Variants in SNAPIN observed in about 807,000 individuals in gnomAD.
SNAPIN encodes SNAP associated protein.
SNAPIN carries 16 observed loss-of-function variants against 15.9 expected under a neutral mutation model. That is an observed-to-expected ratio of 1.01 (90% confidence interval 0.68 to 1.53). SNAPIN has a LOEUF of 1.53. Ranked by LOEUF, SNAPIN falls within the 40% of genes most tolerant of loss-of-function variation. SNAPIN has a pLI of 0.00. For missense variants in SNAPIN, 186 were observed against 180.1 expected (o/e 1.03, Z -0.19); for synonymous variants, 83 against 76.2 (o/e 1.09, Z -0.46).
At chr1:153,660,359 A>G (rs1170621895) in intron 3 of SNAPIN, among the ~76,000 whole-genome samples, 1 of 148,244 alleles carries the variant, frequency 6.7e-6, no homozygotes, top group Non-Finnish European at 1.5e-5. Flanking sequence ...AAATAAAAAG[A>G]CAGGATCGGC....
intron 1 of SNAPIN, 95 bp from the exon 2 acceptor site, chr1:153,659,043 G>A: frequency 6.4e-7 from 1 of 1,555,266 alleles, no homozygotes; most frequent in Non-Finnish European, 8.8e-7. Flanking sequence ...TTCAGCGGAG[G>A]CCGGCTTCTC....
chr1:153,659,651 C>G, intron 3 of SNAPIN, 85 bp downstream of exon 3: 1 of 981,154 alleles, frequency 1.0e-6, no homozygotes, highest in South Asian at 1.4e-5. Context: ...TTTTAAAATT[C>G]TTTGGGGAAA....
rs116672600 is a variant in SNAPIN at position 153,661,343 on chromosome 1, A to G, written c.*42A>G. ...CTCAGTAGCACAAGTACTGTTCCCC[A>G]GCTGCCTTGTTTCAACAGACATGCA... On this transcript the variant is annotated 3_prime_UTR_variant, in exon 4 of 4. Transcript: ENST00000368685. 2,323 of 1,480,608 alleles carry G rather than the reference A, an allele frequency of 1.6e-3. 34 individuals are homozygous for G. The African/African-American group carries it at 0.029, about 18-fold the overall frequency. 91.7% of individuals were successfully genotyped at this position (1,480,608 alleles called of 1,614,324 possible).
At chr1:153,659,595 C>T in intron 3 of SNAPIN, 29 bp downstream of exon 3, 1 of 1,512,916 alleles carries the variant, frequency 6.6e-7, no homozygotes, top group South Asian at 1.1e-5. Context: ...AACAGTGATT[C>T]TTTGCCCTTT....
At position 153,659,556 on chromosome 1, in the gene SNAPIN, A is replaced by G. The variant is rs1030039546; in HGVS notation, c.299A>G (p.Gln100Arg). The G allele has an allele frequency of 1.2e-6, 2 of 1,609,400 alleles. No individual in the cohort carries two copies. Among genetic ancestry groups the G allele is most frequent in the Non-Finnish European group, 8.5e-7 (1 of 1,175,850 alleles). Reference sequence around the variant, plus strand: ...GTTGTCTTGGTTAACAACATTCTACAGAATGCTCAGGTAAAAGAATATCTT... The same window carrying G: ...GTTGTCTTGGTTAACAACATTCTACGGAATGCTCAGGTAAAAGAATATCTT... ...RRVVLVNNIL[Q>R]NAQERLRRLN... is the part of the protein sequence containing the mutation. The change falls in exon 3 of 4, where the codon CAG becomes CGG. Residue 100 changes from glutamine (Q) to arginine (R), a missense_variant. Transcript: ENST00000368685.
intron 2 of SNAPIN, 43 bp from the exon 3 acceptor site, chr1:153,659,405 G>A (rs368141608): frequency 2.7e-6 from 4 of 1,508,610 alleles, no homozygotes; most frequent in Admixed American, 1.7e-5. Flanking sequence ...CAGAACAAGA[G>A]ATAAGCCGTT....
At chr1:153,658,932 G>C in intron 1 of SNAPIN, 46 bp downstream of exon 1, 1 of 1,603,420 alleles carries the variant, frequency 6.2e-7, no homozygotes, top group African/African-American at 1.3e-5. Flanking sequence ...CTCTGGCTTT[G>C]TAGGGGCGGG....
At chr1:153,659,409 A>C (rs530947235) in intron 2 of SNAPIN, 39 bp from the exon 3 acceptor site, 3 of 1,519,998 alleles carry the variant, frequency 2.0e-6, no homozygotes, top group Non-Finnish European at 2.7e-6. Context: ...ACAAGAGATA[A>C]GCCGTTAGAT....
rs550687208 is a variant in SNAPIN, at chr1:153,660,918, C to T, written c.310-282C>T. Among the ~76,000 whole-genome samples the T allele has an allele frequency of 2.6e-5, 4 of 152,086 alleles. No homozygotes were observed. In the East Asian group the frequency reaches 7.8e-4, roughly 29 times the overall value. On this transcript the variant is annotated intron_variant, in intron 3 of 3. Coordinates refer to ENST00000368685, the MANE Select transcript of SNAPIN (RefSeq NM_012437.6). ...TCCTGCCTCAGATTACAAGCACCCGCCACCATGCCCAGCTAATTTTTTTGT... is the reference window on the plus strand; with the variant it reads ...TCCTGCCTCAGATTACAAGCACCCGTCACCATGCCCAGCTAATTTTTTTGT...
upstream of SNAPIN, chr1:153,658,689 G>GGCTCC: frequency 6.8e-7 from 1 of 1,477,926 alleles, no homozygotes; most frequent in Non-Finnish European, 8.9e-7. Context: ...AGTGCGGCGC[G>GGCTCC]GCTCCGGTTC....
Position 153,661,193 on chromosome 1 carries a change from C to T in SNAPIN, c.310-7C>T. The stretch of plus-strand genomic sequence containing the variant: ...GGTTAAGATTCCAAACCTTCCTTGT[C>T]TTGTAGGAACGACTGAGACGGCTAA... On this transcript the variant is annotated splice_region_variant and splice_polypyrimidine_tract_variant and intron_variant, in intron 3 of 3. Transcript: ENST00000368685. 6.2e-7 allele frequency: 1 copy of T among 1,612,376 alleles called. No homozygotes were observed. The highest frequency in any genetic ancestry group is 8.5e-7 in the Non-Finnish European group (1 of 1,178,656).
intron 3 of SNAPIN, 80 bp from the exon 4 acceptor site, chr1:153,661,120 G>A (rs551423024): frequency 3.1e-5 from 35 of 1,130,270 alleles, no homozygotes; most frequent in African/African-American, 3.1e-4. Context: ...GATCACGCCC[G>A]GTATTTTTCA....
Position 153,661,318 on chromosome 1 carries a change from C to T in SNAPIN, c.*17C>T. 1 of 1,577,894 alleles carries T rather than the reference C, an allele frequency of 6.3e-7. No homozygotes were observed. Among genetic ancestry groups the T allele is most frequent in the Non-Finnish European group, 8.7e-7 (1 of 1,147,740 alleles). On this transcript the variant is annotated 3_prime_UTR_variant, in exon 4 of 4. Coordinates refer to ENST00000368685, the MANE Select transcript of SNAPIN (RefSeq NM_012437.6). Reference sequence around the variant, plus strand: ...GGCAAATAACAGATGAGCCTATGGACTCAGTAGCACAAGTACTGTTCCCCA... The same window carrying T: ...GGCAAATAACAGATGAGCCTATGGATTCAGTAGCACAAGTACTGTTCCCCA...
intron 3 of SNAPIN, among the ~76,000 whole-genome samples, chr1:153,660,653 A>G (rs866688398): frequency 2.4e-3 from 331 of 136,098 alleles, no homozygotes; most frequent in Non-Finnish European, 2.6e-3. Context: ...CGTCTCGGGA[A>G]AAAAAAAAAA....
chr1:153,659,706 T>C (rs935498594), intron 3 of SNAPIN, 140 bp downstream of exon 3: 2 of 659,316 alleles, frequency 3.0e-6, no homozygotes, highest in African/African-American at 1.8e-5. Context: ...CTAGGAAAAT[T>C]CGTCTCATTC....
chr1:153,661,601 G>A lies in SNAPIN; in HGVS notation c.*300G>A. On this transcript the variant is annotated 3_prime_UTR_variant, in exon 4 of 4. Transcript: ENST00000368685. ...GCATACGTGAGGCTTACCTTCTTCAGGACTAGTTAACCAGAGGGGCTTCCT... is the reference window on the plus strand; with the variant it reads ...GCATACGTGAGGCTTACCTTCTTCAAGACTAGTTAACCAGAGGGGCTTCCT... 1 of 223,074 alleles carries A rather than the reference G, an allele frequency of 4.5e-6. No homozygotes were observed. The highest frequency in any genetic ancestry group is 9.3e-6 in the Non-Finnish European group (1 of 107,846). The allele number at this position is 223,074 out of a possible 1,614,324, so 13.8% of individuals were successfully genotyped here.
chr1:153,658,946 A>G (rs1477501212), intron 1 of SNAPIN, 60 bp downstream of exon 1: 8 of 1,599,938 alleles, frequency 5.0e-6, no homozygotes, highest in Non-Finnish European at 6.0e-6. Flanking sequence ...GGGCGGGGCC[A>G]AGAAAGTGTT....
intron 3 of SNAPIN, among the ~76,000 whole-genome samples, chr1:153,660,476 C>G (rs1025985768): frequency 6.6e-6 from 1 of 151,650 alleles, no homozygotes; most frequent in African/African-American, 2.4e-5. Flanking sequence ...TAGAGAAACC[C>G]CGTCTCTACT....
At chr1:153,659,326 T>A in intron 2 of SNAPIN, 122 bp from the exon 3 acceptor site, 4 of 1,229,828 alleles carry the variant, frequency 3.3e-6, no homozygotes, top group Non-Finnish European at 1.2e-6. Context: ...AGGGATGTCT[T>A]AAATCTCTAA....
Sources: allele counts gnomAD v4.1 joint callset (sites outside exome capture counted in the v4.1 genomes callset), GRCh38; gene constraint gnomAD v4.1.1; transcripts MANE v1.5; gene names NCBI Gene and HGNC (gene_info 2026-07-23, HGNC 2026-07-21).